The following APPL2 variants were observed in gnomAD, a reference collection of about 807,000 sequenced individuals.
The protein encoded by APPL2 is adaptor protein, phosphotyrosine interacting with PH domain and leucine zipper 2.
In APPL2, 84 loss-of-function variants were observed where a neutral mutation model predicts 92.7. The observed-to-expected ratio is 0.91, with a 90% CI of 0.76 to 1.09. The LOEUF is 1.09. Among genes scored for constraint, APPL2 ranks in the 50% least tolerant of loss-of-function variants. The pLI, the probability that APPL2 is intolerant of heterozygous loss-of-function variation, is 0.00. For synonymous variants in APPL2, 291 were observed against 291.0 expected (o/e 1.00, Z 0.00); for missense variants, 736 against 824.5 (o/e 0.89, Z 1.31).
intron 11 of APPL2, among the ~76,000 whole-genome samples, chr12:105,197,494 T>TGC (rs1887762919): frequency 6.6e-6 from 1 of 152,248 alleles, no homozygotes; most frequent in African/African-American, 2.4e-5. Flanking sequence ...GCACGACTTC[T>TGC]GTTGCTGTCT....
intron 19 of APPL2, 61 bp downstream of exon 19, chr12:105,176,815 C>T: frequency 4.5e-6 from 7 of 1,570,588 alleles, no homozygotes; most frequent in Non-Finnish European, 6.0e-6. Flanking sequence ...TGCCAGAAAA[C>T]TCTTTTAAAA....
chr12:105,185,806 T>C (rs1391023674), intron 17 of APPL2, among the ~76,000 whole-genome samples: 1 of 152,186 alleles, frequency 6.6e-6, no homozygotes, highest in Admixed American at 6.5e-5. Flanking sequence ...TGGTGACGTA[T>C]GCATAACGTC....
chr12:105,235,381 T>C (rs1482146777), intron 1 of APPL2: 1 of 152,156 alleles, frequency 6.6e-6, no homozygotes, highest in South Asian at 2.1e-4. Flanking sequence ...TCTTCACTAA[T>C]GGGAAAACGG....
chr12:105,183,070 C>CTT (rs56345779), intron 17 of APPL2, among the ~76,000 whole-genome samples: 30 of 88,394 alleles, frequency 3.4e-4, no homozygotes, highest in African/African-American at 8.6e-4. Context: ...GCAACCCCTG[C>CTT]TTTTTTTTTT....
At chr12:105,229,884 T>G (rs1416573405) in intron 1 of APPL2, 1 of 451,912 alleles carries the variant, frequency 2.2e-6, no homozygotes, top group Non-Finnish European at 2.9e-6. Flanking sequence ...GCTCAAGGGA[T>G]TCTCTTGCCT....
At chr12:105,227,270 G>A (rs1008277371) in intron 2 of APPL2, among the ~76,000 whole-genome samples, 1 of 151,996 alleles carries the variant, frequency 6.6e-6, no homozygotes, top group Non-Finnish European at 1.5e-5. Flanking sequence ...CCAAGTGCTG[G>A]GATTACAGGC....
chr12:105,230,195 T>C (rs960783185), intron 1 of APPL2, among the ~76,000 whole-genome samples: 1 of 152,160 alleles, frequency 6.6e-6, no homozygotes, highest in African/African-American at 2.4e-5. Context: ...AGCAACTTAA[T>C]AAGAATGCTA....
At chr12:105,176,552 A>T (rs1159544961) in intron 19 of APPL2, among the ~76,000 whole-genome samples, 1 of 152,198 alleles carries the variant, frequency 6.6e-6, no homozygotes, top group African/African-American at 2.4e-5. Context: ...ATTATTCTCT[A>T]TTGTAGCTTT....
intron 1 of APPL2, 99 bp downstream of exon 1, chr12:105,235,860 G>T: frequency 9.6e-7 from 1 of 1,044,524 alleles, no homozygotes; most frequent in Non-Finnish European, 1.2e-6. Context: ...GCGCACTCCC[G>T]CGGCTGCCCG....
intron 17 of APPL2, among the ~76,000 whole-genome samples, chr12:105,186,636 C>CGATATCATATATATCAT (rs1491368321): frequency 1.1e-5 from 1 of 88,650 alleles, no homozygotes; most frequent in Non-Finnish European, 2.6e-5. Flanking sequence ...TCATATATAT[C>CGATATCATATATATCAT]ATATATATGA....
At chr12:105,206,022 A>G (rs1400554287) in intron 8 of APPL2, among the ~76,000 whole-genome samples, 1 of 152,180 alleles carries the variant, frequency 6.6e-6, no homozygotes, top group Non-Finnish European at 1.5e-5. Flanking sequence ...CAGCCTAACA[A>G]CTAGATTAAC....
At chr12:105,218,530 T>C (rs963553108) in intron 2 of APPL2, among the ~76,000 whole-genome samples, 10 of 152,138 alleles carry the variant, frequency 6.6e-5, no homozygotes, top group Non-Finnish European at 1.3e-4. Flanking sequence ...GAGTCAGCCA[T>C]GGGGACGAGC....
rs1392105362 is a variant in APPL2, at chr12:105,195,965, G to A, written c.1053-338C>T. Among the ~76,000 whole-genome samples the A allele has an allele frequency of 4.0e-5, 6 of 151,898 alleles. 1 individual carries two copies. The highest frequency in any genetic ancestry group is 6.6e-5 in the Admixed American group (1 of 15,256). ...AGCTACTAGAGAGGCTGAAGTGGGAGGATCGATCGAGCCCAGGAGGCTGAG... is the reference window on the plus strand; with the variant it reads ...AGCTACTAGAGAGGCTGAAGTGGGAAGATCGATCGAGCCCAGGAGGCTGAG... On this transcript the variant is annotated intron_variant, in intron 11 of 20. Coordinates refer to ENST00000258530, the MANE Select transcript of APPL2 (RefSeq NM_018171.5).
At chr12:105,178,746 CAGTT>C (rs1437125374) in intron 17 of APPL2, among the ~76,000 whole-genome samples, 2 of 152,134 alleles carry the variant, frequency 1.3e-5, no homozygotes, top group Non-Finnish European at 2.9e-5. Context: ...GTGGTTATGA[CAGTT>C]AATGAGAAGT....
At chr12:105,177,082 C>G (rs1592749113) in intron 18 of APPL2, 66 bp from the exon 19 acceptor site, 1 of 1,608,876 alleles carries the variant, frequency 6.2e-7, no homozygotes, top group Non-Finnish European at 8.5e-7. Flanking sequence ...CAAGGCTACT[C>G]TCTGGAAAAG....
At chr12:105,175,436 T>C (rs1000756955) in intron 20 of APPL2, among the ~76,000 whole-genome samples, 16 of 152,342 alleles carry the variant, frequency 1.1e-4, no homozygotes, top group Admixed American at 5.9e-4. Flanking sequence ...AAAAATCCAG[T>C]TCCTCAGTCA....
intron 7 of APPL2, 103 bp downstream of exon 7, chr12:105,207,868 A>AAAAAAAT: frequency 9.3e-7 from 1 of 1,073,632 alleles, no homozygotes; most frequent in Non-Finnish European, 1.4e-6. Context: ...ATAGTTAAAA[A>AAAAAAAT]AAAAAATAAC....
At position 105,232,862 on chromosome 12, in the gene APPL2, C is replaced by A. The variant is rs536849654; in HGVS notation, c.54+3097G>T. On this transcript the variant is annotated intron_variant, in intron 1 of 20. Transcript: ENST00000258530. Reference sequence around the variant, plus strand: ...GCACAAAACATCTCCACAGTGAAGACATATAAAACCACCAGGTTATGTTTT... The same window carrying A: ...GCACAAAACATCTCCACAGTGAAGAAATATAAAACCACCAGGTTATGTTTT... Among the ~76,000 whole-genome samples, 7 of 150,918 alleles carry A rather than the reference C, an allele frequency of 4.6e-5. No individual in the cohort carries two copies. In the South Asian group the frequency reaches 1.5e-3, roughly 32 times the overall value.
chr12:105,177,861 G>C (rs530415415), intron 17 of APPL2, among the ~76,000 whole-genome samples: 50 of 152,274 alleles, frequency 3.3e-4, no homozygotes, highest in African/African-American at 1.1e-3. Flanking sequence ...CCCAGTCTTG[G>C]CTCACTGCAA....
Sources: allele counts gnomAD v4.1 joint callset (sites outside exome capture counted in the v4.1 genomes callset), GRCh38; gene constraint gnomAD v4.1.1; transcripts MANE v1.5; gene names NCBI Gene and HGNC (gene_info 2026-07-23, HGNC 2026-07-21).